TSPAN12: variants seen among roughly 807,000 people sequenced by gnomAD.
TSPAN12 encodes tetraspanin-12.
A neutral mutation model predicts 39.2 loss-of-function variants in TSPAN12; 19 were observed. The ratio of observed to expected loss-of-function variants is 0.49; its 90% CI spans 0.34 to 0.71. TSPAN12 has a LOEUF of 0.71. Among genes scored for constraint, TSPAN12 ranks in the 30% least tolerant of loss-of-function variants. The probability of loss-of-function intolerance (pLI) is 0.01; values close to 1 mark genes in which losing one functional copy is unlikely to be tolerated. For synonymous variants in TSPAN12, 119 were observed against 124.8 expected (o/e 0.95, Z 0.31); for missense variants, 314 against 359.9 (o/e 0.87, Z 1.03).
At chr7:120,853,266 G>C (rs1043149356) in intron 2 of TSPAN12, among the ~76,000 whole-genome samples, 1 of 151,440 alleles carries the variant, frequency 6.6e-6, no homozygotes, top group African/African-American at 2.4e-5. Context: ...GCTAATTTTT[G>C]TATTTTTAGT....
At chr7:120,847,100 G>A (rs1483376643) in intron 2 of TSPAN12, among the ~76,000 whole-genome samples, 1 of 152,058 alleles carries the variant, frequency 6.6e-6, no homozygotes, top group African/African-American at 2.4e-5. Flanking sequence ...ACTGAATTTT[G>A]AATTTCAGCT....
At chr7:120,811,701 A>G (rs1331509571) in intron 5 of TSPAN12, among the ~76,000 whole-genome samples, 1 of 151,814 alleles carries the variant, frequency 6.6e-6, no homozygotes, top group African/African-American at 2.4e-5. Context: ...AAATATATAT[A>G]CCATGGAATA....
intron 4 of TSPAN12, among the ~76,000 whole-genome samples, chr7:120,821,467 C>T (rs1794186963): frequency 6.6e-6 from 1 of 151,450 alleles, no homozygotes; most frequent in African/African-American, 2.4e-5. Flanking sequence ...AGAACATAGG[C>T]TTTGAAATAA....
intron 4 of TSPAN12, among the ~76,000 whole-genome samples, chr7:120,818,356 A>G (rs2116397386): frequency 6.6e-6 from 1 of 152,200 alleles, no homozygotes; most frequent in Non-Finnish European, 1.5e-5. Context: ...ATTTTGTGAA[A>G]AAATGACCTG....
chr7:120,824,611 A>G (rs1303824269), intron 4 of TSPAN12, among the ~76,000 whole-genome samples: 1 of 152,182 alleles, frequency 6.6e-6, no homozygotes, highest in Non-Finnish European at 1.5e-5. Flanking sequence ...TTGCCTCTCA[A>G]TGAATGAAAA....
intron 4 of TSPAN12, among the ~76,000 whole-genome samples, chr7:120,821,364 T>C (rs915212274): frequency 3.3e-5 from 5 of 151,580 alleles, no homozygotes; most frequent in Non-Finnish European, 5.9e-5. Flanking sequence ...CAAAGATGAG[T>C]GCCTTCATAT....
chr7:120,795,135 A>C (rs751210413), intron 7 of TSPAN12, among the ~76,000 whole-genome samples: 9 of 152,234 alleles, frequency 5.9e-5, no homozygotes, highest in Non-Finnish European at 1.0e-4. Flanking sequence ...TTTCATAAAG[A>C]GTATTTTATT....
chr7:120,796,874 G>C (rs1355293382), intron 7 of TSPAN12, among the ~76,000 whole-genome samples: 1 of 152,118 alleles, frequency 6.6e-6, no homozygotes, highest in Non-Finnish European at 1.5e-5. Flanking sequence ...CATAGCTTCT[G>C]GCTGGGCACG....
At chr7:120,791,539 A>G (rs1285507712) in intron 7 of TSPAN12, among the ~76,000 whole-genome samples, 1 of 152,176 alleles carries the variant, frequency 6.6e-6, no homozygotes, top group African/African-American at 2.4e-5. Context: ...TTACCCTTTC[A>G]ATAGTCTCTG....
intron 1 of TSPAN12, among the ~76,000 whole-genome samples, chr7:120,857,556 C>G (rs1794898210): frequency 6.6e-6 from 1 of 152,028 alleles, no homozygotes; most frequent in Admixed American, 6.5e-5. Context: ...GTGCAGACGC[C>G]GGGTTAGTCA....
intron 2 of TSPAN12, among the ~76,000 whole-genome samples, chr7:120,845,908 C>A (rs1242948003): frequency 1.3e-5 from 2 of 152,152 alleles, no homozygotes; most frequent in Non-Finnish European, 1.5e-5. Flanking sequence ...TTCCTGATAC[C>A]AATTTTCTGT....
chr7:120,849,541 G>A (rs1794732582), intron 2 of TSPAN12, among the ~76,000 whole-genome samples: 1 of 152,176 alleles, frequency 6.6e-6, no homozygotes, highest in Admixed American at 6.5e-5. Context: ...TCTGTTCAAG[G>A]ATGACAGCTG....
intron 4 of TSPAN12, among the ~76,000 whole-genome samples, chr7:120,819,185 T>G (rs1794140656): frequency 2.0e-5 from 3 of 152,156 alleles, no homozygotes; most frequent in Non-Finnish European, 4.4e-5. Flanking sequence ...AGGCAAGATA[T>G]GTTTATCAAT....
chr7:120,790,985 C>T (rs1793511294), intron 7 of TSPAN12, among the ~76,000 whole-genome samples: 1 of 152,050 alleles, frequency 6.6e-6, no homozygotes, highest in East Asian at 1.9e-4. Context: ...GAATAATTAG[C>T]ATGAATATAT....
chr7:120,806,830 T>C (rs2116349438), intron 6 of TSPAN12, 138 bp from the exon 7 acceptor site: 2 of 1,077,806 alleles, frequency 1.9e-6, no homozygotes, highest in South Asian at 1.4e-5. Flanking sequence ...GTACAGTCTA[T>C]GTTGATGATA....
intron 7 of TSPAN12, among the ~76,000 whole-genome samples, chr7:120,795,497 T>G (rs1793611347): frequency 6.6e-6 from 1 of 152,228 alleles, no homozygotes; most frequent in Non-Finnish European, 1.5e-5. Context: ...AAAATGAGTT[T>G]CTAAAATTGG....
intron 2 of TSPAN12, among the ~76,000 whole-genome samples, chr7:120,853,900 AAAGT>A (rs896976206): frequency 5.9e-5 from 9 of 151,762 alleles, no homozygotes; most frequent in Non-Finnish European, 1.2e-4. Flanking sequence ...AAAAGAAAAG[AAAGT>A]TATATTACAC....
At chr7:120,832,260 G>A (rs867947461) in intron 4 of TSPAN12, among the ~76,000 whole-genome samples, 7 of 151,926 alleles carry the variant, frequency 4.6e-5, no homozygotes, top group Admixed American at 2.0e-4. Context: ...ATTGTCTCCC[G>A]CTTAAATGTG....
chr7:120,814,224 A>G, intron 5 of TSPAN12: 1 of 456,712 alleles, frequency 2.2e-6, no homozygotes, highest in South Asian at 1.5e-5. Context: ...TTTACTGTTC[A>G]ATTGCCAAAT....
Sources: allele counts gnomAD v4.1 joint callset (sites outside exome capture counted in the v4.1 genomes callset), GRCh38; gene constraint gnomAD v4.1.1; transcripts MANE v1.5; gene names NCBI Gene and HGNC (gene_info 2026-07-23, HGNC 2026-07-21).